HPS3: variants seen among roughly 807,000 people sequenced by gnomAD.
HPS3 encodes the protein BLOC-2 complex member HPS3.
In HPS3, 79 loss-of-function variants were observed where a neutral mutation model predicts 110.9. The observed-to-expected ratio is 0.71, with a 90% confidence interval of 0.59 to 0.86. The LOEUF (loss-of-function observed/expected upper bound fraction) is 0.86, where lower values mean the gene tolerates loss of function less well. Among genes scored for constraint, HPS3 ranks in the 40% least tolerant of loss-of-function variants. HPS3 has a pLI of 0.00. For synonymous variants in HPS3, 428 were observed against 451.0 expected, an observed-to-expected ratio of 0.95 and a Z score of 0.65; for missense variants, 1,197 against 1,206.2, an observed-to-expected ratio of 0.99 and a Z score of 0.11.
At chr3:149,134,546 A>C (rs1317879361) in intron 1 of HPS3, among the ~76,000 whole-genome samples, 3 of 152,208 alleles carry the variant, frequency 2.0e-5, no homozygotes, top group Non-Finnish European at 2.9e-5. Flanking sequence ...GCCACTACCT[A>C]TGCATACGAA....
In HPS3 at chr3:149,162,850, C is replaced by T. The variant is rs757372543; in HGVS notation, c.2453C>T (p.Thr818Ile). 1.2e-6 allele frequency: 2 copies of T among 1,613,884 alleles called. No homozygotes were observed. Among genetic ancestry groups the T allele is most frequent in the Non-Finnish European group, 1.7e-6 (2 of 1,179,856 alleles). The change falls in exon 13 of 17, where the codon ACC becomes ATC. Residue 818 changes from threonine (T) to isoleucine (I), a missense_variant. Physicochemically the swap from Thr to Ile is moderately conservative, Grantham distance 89. Coordinates refer to ENST00000296051, the MANE Select transcript of HPS3 (RefSeq NM_032383.5). Reference protein sequence around the residue: ...WRLSKRQPPDTTPLRTSEDLI... With the variant: ...WRLSKRQPPDITPLRTSEDLI... The stretch of plus-strand genomic sequence containing the variant: ...TTGTCTAAGAGGCAGCCTCCTGACA[C>T]CACACCATTGCGAACATCGGAGGAT...
chr3:149,172,103 T>C lies in HPS3; in HGVS notation c.2896T>C (p.Ser966Pro). 1 of 1,612,762 alleles carries C rather than the reference T, an allele frequency of 6.2e-7. No individual in the cohort carries two copies. The highest frequency in any genetic ancestry group is 8.5e-7 in the Non-Finnish European group (1 of 1,178,882). Reference protein sequence around the residue: ...LYLSSLKETLSIVAVELELKD... With the variant: ...LYLSSLKETLPIVAVELELKD... ...TATTCTTTTCTACACAGAAACATTG[T>C]CAATTGTTGCTGTGGAACTAGAACT... The change falls in exon 17 of 17, where the codon TCA (serine) becomes CCA (proline). Residue 966 changes from serine to proline, a missense_variant. Transcript: ENST00000296051.
chr3:149,164,484 G>T (rs1448058502), intron 14 of HPS3, among the ~76,000 whole-genome samples: 11 of 152,332 alleles, frequency 7.2e-5, no homozygotes, highest in African/African-American at 2.6e-4. Flanking sequence ...TTGGCTGGCA[G>T]TGAGAATTAA....
Position 149,155,118 on chromosome 3 carries a change from A to G in HPS3, c.1412A>G (p.Asp471Gly), listed in dbSNP as rs1022212143. The G allele has an allele frequency of 1.9e-6, 3 of 1,590,582 alleles. No homozygotes were observed. The highest frequency in any genetic ancestry group is 1.7e-5 in the Admixed American group (1 of 59,986). ...TGTTTTGCTTTTAGTTCGAGAAAAG[A>G]TACCAGTGTTAAAATCAAAATACCT... ...QSPKRLLSRKDTSVKIKIPPV... is the reference protein window; with the variant it reads ...QSPKRLLSRKGTSVKIKIPPV... Residue 471 changes from aspartate to glycine, a missense_variant, in exon 8 of 17, where the codon GAT (aspartate) becomes GGT (glycine). Coordinates refer to ENST00000296051, the MANE Select transcript of HPS3 (RefSeq NM_032383.5).
Position 149,173,208 on chromosome 3 carries a change from G to T in HPS3, c.*986G>T, listed in dbSNP as rs566358750. 1 of 152,766 alleles carries T rather than the reference G, an allele frequency of 6.5e-6. No homozygotes were observed. The highest frequency in any genetic ancestry group is 1.9e-4 in the East Asian group (1 of 5,210). The allele number at this position is 152,766 out of a possible 1,614,324, so 9.5% of individuals were successfully genotyped here. A position where few individuals can be genotyped will look rare whatever the true frequency, so the allele number is the denominator to read the frequency against. On this transcript the variant is annotated 3_prime_UTR_variant, in exon 17 of 17. Transcript: ENST00000296051. ...TAACGTCCTTAAGACCATCTGTTCA[G>T]GGGTTCACAAAACTCAAATTTGTGT...
intron 4 of HPS3, among the ~76,000 whole-genome samples, chr3:149,143,675 C>T (rs1018406939): frequency 6.6e-6 from 1 of 152,102 alleles, no homozygotes; most frequent in Admixed American, 6.5e-5. Flanking sequence ...TGGGAACCAA[C>T]ATTATATGAG....
rs1226066941 is a variant in HPS3 at position 149,140,158 on chromosome 3, G to T, written c.372G>T (p.Gln124His). The T allele has an allele frequency of 3.1e-6, 5 of 1,614,070 alleles. No individual in the cohort carries two copies. The Admixed American group carries it at 5.0e-5, about 16-fold the overall frequency. The change falls in exon 2 of 17, where the codon CAG becomes CAT. Residue 124 changes from glutamine to histidine, a missense_variant. Transcript: ENST00000296051. ...CATTCAGCAAAGCCTTCAGAGACCA[G>T]ATGTACATTATTGAAATGCCGCTTT... is the stretch of plus-strand genomic sequence containing the variant. ...EGPFSKAFRD[Q>H]MYIIEMPLSE...
At chr3:149,156,350 T>TC (rs1442586343) in intron 8 of HPS3, among the ~76,000 whole-genome samples, 7 of 152,176 alleles carry the variant, frequency 4.6e-5, no homozygotes, top group African/African-American at 1.7e-4. Flanking sequence ...TGGTTCATAG[T>TC]CTAATTTTGT....
At chr3:149,165,483 A>T (rs1356907119) in intron 14 of HPS3, among the ~76,000 whole-genome samples, 2 of 119,980 alleles carry the variant, frequency 1.7e-5, no homozygotes, top group African/African-American at 6.3e-5. Context: ...AAACTTTTAT[A>T]ATTTTTTTTT....
intron 1 of HPS3, among the ~76,000 whole-genome samples, chr3:149,134,503 T>G (rs1033026126): frequency 2.0e-5 from 3 of 152,244 alleles, no homozygotes; most frequent in Admixed American, 2.0e-4. Flanking sequence ...TTATGTAAAC[T>G]TCTAGCTTTC....
intron 1 of HPS3, among the ~76,000 whole-genome samples, chr3:149,135,844 T>C (rs1411299686): frequency 2.0e-5 from 3 of 152,130 alleles, no homozygotes; most frequent in Non-Finnish European, 4.4e-5. Flanking sequence ...ACAAGTGTAC[T>C]AAACCAGCCC....
chr3:149,172,234 G>T lies in HPS3; in HGVS notation c.*12G>T. 6.3e-7 allele frequency: 1 copy of T among 1,596,720 alleles called. No homozygotes were observed. On this transcript the variant is annotated 3_prime_UTR_variant, in exon 17 of 17. Coordinates refer to ENST00000296051, the MANE Select transcript of HPS3 (RefSeq NM_032383.5). ...AACCATTGACTTAAAGGTATCATTT[G>T]AAAAATACCATAATGGCATTTGAGA...
intron 1 of HPS3, 194 bp downstream of exon 1, chr3:149,130,134 T>G: frequency 1.6e-6 from 1 of 607,660 alleles, no homozygotes; most frequent in Non-Finnish European, 2.9e-6. Flanking sequence ...GCGGCAAGCA[T>G]AGGTATGAGC....
intron 1 of HPS3, among the ~76,000 whole-genome samples, chr3:149,137,214 TAAG>T (rs1722164640): frequency 6.6e-6 from 1 of 151,826 alleles, no homozygotes; most frequent in South Asian, 2.1e-4. Flanking sequence ...GCAAAAAACA[TAAG>T]AAAAGATGCT....
rs200882543 is a variant in HPS3, at chr3:149,141,142, G to C, written c.838G>C (p.Ala280Pro). The C allele has an allele frequency of 6.2e-7, 1 of 1,612,110 alleles. No homozygotes were observed. Among genetic ancestry groups the C allele is most frequent in the East Asian group, 2.2e-5 (1 of 44,826 alleles). The change falls in exon 3 of 17, where the codon GCT (alanine) becomes CCT (proline). Residue 280 changes from alanine to proline, a missense_variant. Ala to Pro is a conservative substitution (Grantham distance 27, BLOSUM62 -1). Coordinates refer to ENST00000296051, the MANE Select transcript of HPS3 (RefSeq NM_032383.5). ...LSVTLESTGL[A>P]DEKRKYSHFQ... ...TGTTACACTGGAGTCTACGGGATTA[G>C]CTGATGAAAAAAGAAAATATTCCCA...
intron 1 of HPS3, among the ~76,000 whole-genome samples, chr3:149,133,848 A>G (rs1480556476): frequency 6.6e-6 from 1 of 152,222 alleles, no homozygotes. Flanking sequence ...CTAATAGACT[A>G]TAATCTAGTA....
chr3:149,157,879 A>G (rs541700358), intron 9 of HPS3, among the ~76,000 whole-genome samples: 132 of 152,354 alleles, frequency 8.7e-4, no homozygotes, highest in African/African-American at 3.0e-3. Context: ...TAAAGTTAAC[A>G]CTTGGACATA....
rs1290395505 is a variant in HPS3, at chr3:149,167,899, T to G, written c.2803T>G (p.Trp935Gly). 1 of 1,586,700 alleles carries G rather than the reference T, an allele frequency of 6.3e-7. No individual in the cohort carries two copies. Among genetic ancestry groups the G allele is most frequent in the South Asian group, 1.1e-5 (1 of 90,534 alleles). Residue 935 changes from tryptophan to glycine, a missense_variant, in exon 16 of 17, where the codon TGG becomes GGG. Physicochemically the swap from Trp to Gly is radical, Grantham distance 184. Transcript: ENST00000296051. ...HELKEENRTLWWKKLLPELCQ... is the reference protein window; with the variant it reads ...HELKEENRTLGWKKLLPELCQ... ...TCATTTTTTCCTAAGATAGACTCTG[T>G]GGTGGAAAAAACTGTTGCCTGAACT...
chr3:149,157,467 G>A lies in HPS3; in HGVS notation c.1627G>A (p.Glu543Lys), dbSNP rs761144920. The A allele has an allele frequency of 1.2e-6, 2 of 1,613,934 alleles. No individual in the cohort carries two copies. The highest frequency in any genetic ancestry group is 2.2e-5 in the East Asian group (1 of 44,878). ...LMDASQLEPG[E>K]KAELLEAFKE... ...GGATGCCAGTCAGCTGGAACCTGGAGAGAAGGCAGAGCTTTTGGAAGCATT... is the reference window on the plus strand; with the variant it reads ...GGATGCCAGTCAGCTGGAACCTGGAAAGAAGGCAGAGCTTTTGGAAGCATT... Residue 543 changes from glutamate (E) to lysine (K), a missense_variant, in exon 9 of 17, where the codon GAG (glutamate) becomes AAG (lysine). Physicochemically the swap from Glu to Lys is moderately conservative, Grantham distance 56 (BLOSUM62 1). Coordinates refer to ENST00000296051, the MANE Select transcript of HPS3 (RefSeq NM_032383.5).
Sources: allele counts gnomAD v4.1 joint callset (sites outside exome capture counted in the v4.1 genomes callset), GRCh38; gene constraint gnomAD v4.1.1; transcripts MANE v1.5; gene names NCBI Gene and HGNC (gene_info 2026-07-23, HGNC 2026-07-21).